KAZN: variants seen among roughly 807,000 people sequenced by gnomAD.
The protein encoded by KAZN is kazrin, periplakin interacting protein.
KAZN carries 40 observed loss-of-function variants against 87.4 expected under a neutral mutation model. The observed-to-expected ratio is 0.46, with a 90% CI of 0.36 to 0.60. The LOEUF is 0.60. KAZN is among the 20% of genes least tolerant of loss of function. The pLI is 0.00. For missense variants in KAZN, 898 were observed against 1,073.9 expected (o/e 0.84, Z 2.29); for synonymous variants, 466 against 458.3 (o/e 1.02, Z -0.22).
At chr1:14,687,842 A>G (rs1641047769) in intron 1 of KAZN, among the ~76,000 whole-genome samples, 1 of 152,186 alleles carries the variant, frequency 6.6e-6, no homozygotes, top group Non-Finnish European at 1.5e-5. Flanking sequence ...AGTTTTAATT[A>G]TGCAAACCCA....
intron 8 of KAZN, among the ~76,000 whole-genome samples, chr1:15,087,840 A>G (rs557656022): frequency 6.6e-6 from 1 of 152,340 alleles, no homozygotes; most frequent in African/African-American, 2.4e-5. Flanking sequence ...TATCCACTCT[A>G]TGTCAGACAC....
chr1:14,862,126 T>C (rs1320843553), intron 1 of KAZN, among the ~76,000 whole-genome samples: 1 of 152,180 alleles, frequency 6.6e-6, no homozygotes, highest in African/African-American at 2.4e-5. Flanking sequence ...GGTATAAATA[T>C]GAACAAGAAA....
chr1:14,807,882 C>T (rs2100770993), intron 1 of KAZN, among the ~76,000 whole-genome samples: 1 of 152,262 alleles, frequency 6.6e-6, no homozygotes, highest in South Asian at 2.1e-4. Flanking sequence ...CTTGGAGCAG[C>T]CTCCACTCCC....
chr1:14,989,635 C>T (rs1010200451), intron 2 of KAZN, among the ~76,000 whole-genome samples: 2 of 152,230 alleles, frequency 1.3e-5, no homozygotes, highest in Non-Finnish European at 2.9e-5. Flanking sequence ...GGGCCAGCTA[C>T]TCAGCCCCTC....
intron 1 of KAZN, among the ~76,000 whole-genome samples, chr1:14,653,975 C>T (rs1441539155): frequency 6.6e-6 from 1 of 152,150 alleles, no homozygotes; most frequent in Non-Finnish European, 1.5e-5. Flanking sequence ...TTCCTCTCCC[C>T]ACAATTATAA....
chr1:13,986,134 G>T (rs1215791218), intron 1 of KAZN, among the ~76,000 whole-genome samples: 1 of 152,190 alleles, frequency 6.6e-6, no homozygotes, highest in Non-Finnish European at 1.5e-5. Context: ...CAACAGCAGT[G>T]TATGAGAGTT....
chr1:14,203,389 T>C (rs1365724785), intron 2 of KAZN, among the ~76,000 whole-genome samples: 1 of 152,216 alleles, frequency 6.6e-6, no homozygotes, highest in Non-Finnish European at 1.5e-5. Context: ...GACTGAAGGC[T>C]ACACTACATT....
intron 1 of KAZN, among the ~76,000 whole-genome samples, chr1:14,774,023 A>C (rs1419761951): frequency 4.6e-5 from 7 of 152,224 alleles, no homozygotes; most frequent in African/African-American, 1.7e-4. Context: ...CGCCATTTTC[A>C]ACTCTGCATT....
At chr1:14,170,268 G>C (rs895779356) in intron 1 of KAZN, among the ~76,000 whole-genome samples, 1 of 152,126 alleles carries the variant, frequency 6.6e-6, no homozygotes, top group Non-Finnish European at 1.5e-5. Context: ...CTGTTTAAAA[G>C]GGTGGTAAAT....
chr1:15,066,575 A>T lies in KAZN; in HGVS notation c.1222+822A>T. 1.0e-6 allele frequency: 1 copy of T among 984,662 alleles called. No individual in the cohort carries two copies. Among genetic ancestry groups the T allele is most frequent in the Non-Finnish European group, 1.2e-6 (1 of 829,244 alleles). The allele number at this position is 984,662 out of a possible 1,614,324, so 61.0% of individuals were successfully genotyped here. On this transcript the variant is annotated intron_variant, in intron 8 of 14. Coordinates refer to ENST00000376030, the MANE Select transcript of KAZN (RefSeq NM_201628.3). The surrounding 1 kb of genome is among the most constrained non-coding windows in gnomAD (Gnocchi z 4.3). ...CTTTCTTTATGAAAAAAAAGAAAAA[A>T]AGAAAATTGTTTCATTTAATTTATT... is the stretch of plus-strand genomic sequence containing the variant.
chr1:15,095,934 G>A (rs997249725), intron 10 of KAZN, among the ~76,000 whole-genome samples: 1 of 152,196 alleles, frequency 6.6e-6, no homozygotes, highest in South Asian at 2.1e-4. Flanking sequence ...GCGACTCAGA[G>A]CAAGAAGGTG....
chr1:15,037,577 C>G (rs761868391), intron 3 of KAZN, among the ~76,000 whole-genome samples: 1 of 141,324 alleles, frequency 7.1e-6, no homozygotes, highest in Non-Finnish European at 1.5e-5. Flanking sequence ...GGGCATATGC[C>G]TGCTACCATT....
intron 6 of KAZN, chr1:15,061,677 A>C (rs1319074917): frequency 6.6e-6 from 1 of 151,924 alleles, no homozygotes; most frequent in Admixed American, 6.6e-5. Flanking sequence ...CTGCCATCAC[A>C]CCCGGCTAAT....
chr1:13,925,518 G>C (rs1248439840), intron 1 of KAZN, among the ~76,000 whole-genome samples: 8 of 152,002 alleles, frequency 5.3e-5, no homozygotes, highest in Admixed American at 2.6e-4. Flanking sequence ...TGGGATGGGA[G>C]GTCTAAAGAC....
At chr1:14,929,629 G>A (rs1046822471) in intron 1 of KAZN, among the ~76,000 whole-genome samples, 27 of 152,304 alleles carry the variant, frequency 1.8e-4, no homozygotes, top group African/African-American at 6.3e-4. Context: ...ATTAAACCCG[G>A]CCGAAGCCAT....
intron 6 of KAZN, chr1:15,060,548 G>A: frequency 1.9e-6 from 1 of 530,478 alleles, no homozygotes; most frequent in Non-Finnish European, 3.3e-6. Context: ...GCGGGCCTGG[G>A]TCGGCCGCAG....
chr1:14,599,222 A>G lies in KAZN; in HGVS notation c.225A>G (p.Gln75=). 2 of 1,381,918 alleles carry G rather than the reference A, an allele frequency of 1.4e-6. No homozygotes were observed. The highest frequency in any genetic ancestry group is 1.9e-6 in the Non-Finnish European group (2 of 1,071,048). 85.6% of individuals were successfully genotyped at this position (1,381,918 alleles called of 1,614,324 possible). A position where few individuals can be genotyped will look rare whatever the true frequency, so the allele number is the denominator to read the frequency against. ...TGGAGAACCCCCAGCTTGGAGCGCA[A>G]GGTAGGATCGCCCCGGCGCCCAGGG... The part of the protein sequence containing the change: ...TNMENPQLGA[Q]VLLREEVSRL... The change falls in exon 1 of 15, where the codon CAA becomes CAG. Residue 75 remains glutamine, a splice_region_variant and synonymous_variant. Coordinates refer to ENST00000376030, the MANE Select transcript of KAZN (RefSeq NM_201628.3). This position sits in a 1 kb window ranked among gnomAD's most constrained non-coding sequence, Gnocchi z 4.4.
At chr1:14,955,184 G>A (rs1444820670) in intron 1 of KAZN, among the ~76,000 whole-genome samples, 3 of 152,232 alleles carry the variant, frequency 2.0e-5, no homozygotes, top group East Asian at 1.9e-4. Context: ...GTCTTCCAAC[G>A]GCAGCTTCTT....
At chr1:14,872,965 T>TGGAA (rs1235047073) in intron 1 of KAZN, among the ~76,000 whole-genome samples, 30 of 150,326 alleles carry the variant, frequency 2.0e-4, no homozygotes, top group Non-Finnish European at 4.5e-4. Context: ...GATGGATGGA[T>TGGAA]GGAAAGATGA....
Sources: gnomAD v4.1 joint callset for allele counts (sites outside exome capture counted in the v4.1 genomes callset) on GRCh38, gnomAD v4.1.1 for gene constraint, Gnocchi (gnomAD v3.1) non-coding constraint, MANE v1.5 for transcripts, NCBI Gene and HGNC (gene_info 2026-07-23, HGNC 2026-07-21) for gene names.